Variants in TTC5 observed in about 807,000 individuals in gnomAD.
TTC5 encodes the protein tetratricopeptide repeat domain 5, also known as tetratricopeptide repeat protein 5.
In TTC5, 46 loss-of-function variants were observed where a neutral mutation model predicts 57.4. That is an observed-to-expected ratio of 0.80 (90% CI 0.63 to 1.03). TTC5 has a LOEUF of 1.03. Among genes scored for constraint, TTC5 ranks in the 50% least tolerant of loss-of-function variants. The probability of loss-of-function intolerance (pLI) is 0.00; values close to 1 mark genes in which losing one functional copy is unlikely to be tolerated. For missense variants in TTC5, 504 were observed against 528.1 expected, an observed-to-expected ratio of 0.95 and a Z score of 0.45; for synonymous variants, 190 against 203.5, an observed-to-expected ratio of 0.93 and a Z score of 0.57.
intron 8 of TTC5, chr14:20,292,600 C>T (rs533813780): frequency 1.2e-4 from 19 of 152,476 alleles, no homozygotes; most frequent in African/African-American, 4.1e-4. Flanking sequence ...TACATATGTG[C>T]CAAGCATTGT....
Position 20,298,852 on chromosome 14 carries a change from G to C in TTC5, c.584C>G (p.Ser195Cys). Residue 195 changes from serine to cysteine, a missense_variant, in exon 5 of 10, where the codon TCT becomes TGT. Physicochemically the swap from Ser to Cys is moderately radical, Grantham distance 112. Coordinates refer to ENST00000258821, the MANE Select transcript of TTC5 (RefSeq NM_138376.3). Reference protein sequence around the residue: ...LGNSYLSLYFSTGQNPKISQQ... With the variant: ...LGNSYLSLYFCTGQNPKISQQ... ...GGAGATCTTAGGGTTCTGGCCAGTA[G>C]AGAAGTAAAGGGAAAGATATGAATT... 2.5e-6 allele frequency: 4 copies of C among 1,613,934 alleles called. No homozygotes were observed. The highest frequency in any genetic ancestry group is 2.5e-6 in the Non-Finnish European group (3 of 1,179,818).
intron 2 of TTC5, 42 bp from the exon 3 acceptor site, chr14:20,300,860 T>C (rs763970876): frequency 6.7e-7 from 1 of 1,501,236 alleles, no homozygotes; most frequent in South Asian, 1.2e-5. Flanking sequence ...AAAAACAAGT[T>C]AAAGACCAGG....
At chr14:20,290,208 TA>T (rs1385661384) in intron 9 of TTC5, among the ~76,000 whole-genome samples, 1 of 152,218 alleles carries the variant, frequency 6.6e-6, no homozygotes, top group Non-Finnish European at 1.5e-5. Context: ...TTCTCTTTTA[TA>T]TCAAGAGGAG....
At chr14:20,297,181 C>T (rs902118268) in intron 5 of TTC5, among the ~76,000 whole-genome samples, 2 of 152,262 alleles carry the variant, frequency 1.3e-5, no homozygotes, top group Middle Eastern at 6.8e-3. Context: ...CATGTTTCTA[C>T]ATCCAAGTTC....
At chr14:20,293,563 T>A (rs1012248255) in intron 8 of TTC5, 5 of 152,310 alleles carry the variant, frequency 3.3e-5, no homozygotes, top group Admixed American at 3.3e-4. Context: ...CAGTAAGGGA[T>A]CTTAAATAAG....
chr14:20,304,886 T>C (rs1882259265), intron 1 of TTC5, among the ~76,000 whole-genome samples: 1 of 152,198 alleles, frequency 6.6e-6, no homozygotes, highest in South Asian at 2.1e-4. Context: ...TACATGTAAG[T>C]TGTTAAAATT....
chr14:20,303,728 C>T (rs937366282), intron 1 of TTC5, among the ~76,000 whole-genome samples: 1 of 152,168 alleles, frequency 6.6e-6, no homozygotes, highest in Non-Finnish European at 1.5e-5. Context: ...GAATAAAATC[C>T]AAGTCCTTAT....
chr14:20,289,610 A>C lies in TTC5; in HGVS notation c.*17T>G, dbSNP rs977049970. 1 of 1,607,148 alleles carries C rather than the reference A, an allele frequency of 6.2e-7. No homozygotes were observed. The highest frequency in any genetic ancestry group is 1.1e-5 in the South Asian group (1 of 90,088). Reference sequence around the variant, plus strand: ...GTCTCCTCTCCTCCACTCCCTGTTGAGCATGCAAGTCAAAGGTCATTCACA... The same window carrying C: ...GTCTCCTCTCCTCCACTCCCTGTTGCGCATGCAAGTCAAAGGTCATTCACA... On this transcript the variant is annotated 3_prime_UTR_variant, in exon 10 of 10. Coordinates refer to ENST00000258821, the MANE Select transcript of TTC5 (RefSeq NM_138376.3).
rs769374125 is a variant in TTC5, at chr14:20,289,725, G to A, written c.1225C>T (p.Arg409Ter). 4.3e-5 allele frequency: 69 copies of A among 1,613,286 alleles called. No individual in the cohort carries two copies. Among genetic ancestry groups the A allele is most frequent in the Non-Finnish European group, 5.5e-5 (65 of 1,179,656 alleles). The change falls in exon 10 of 10, where the codon CGA becomes TGA. Residue 409 changes from arginine to a stop codon, truncating the protein, a stop_gained. Coordinates refer to ENST00000258821, the MANE Select transcript of TTC5 (RefSeq NM_138376.3). LOFTEE classifies it high-confidence loss of function. ...KGKDYSFSSV[R>*]VETPLLLVVN... is the part of the protein sequence containing the mutation. ...ACTAGCAGGAGGGGCGTCTCCACTC[G>A]AACACTGGAAAAGGAATAGTCCTAG...
rs1218101515 is a variant in TTC5 at position 20,295,862 on chromosome 14, A to G, written c.697-8T>C. On this transcript the variant is annotated splice_region_variant and splice_polypyrimidine_tract_variant and intron_variant, in intron 6 of 9. Coordinates refer to ENST00000258821, the MANE Select transcript of TTC5 (RefSeq NM_138376.3). ...CTCTTCATATTTATGCAACTGTACA[A>G]GAAGTGTATCCCAATTATAAGTATA... 6.4e-7 allele frequency: 1 copy of G among 1,571,084 alleles called. No individual in the cohort carries two copies. The highest frequency in any genetic ancestry group is 8.6e-7 in the Non-Finnish European group (1 of 1,164,236).
At chr14:20,303,453 AATAG>A (rs528098683) in intron 1 of TTC5, among the ~76,000 whole-genome samples, 190 of 152,354 alleles carry the variant, frequency 1.2e-3, no homozygotes, top group Middle Eastern at 3.4e-3. Flanking sequence ...CCTGAAACTA[AATAG>A]ATAGCAGCAG....
rs1242857384 is a variant in TTC5 at position 20,288,069 on chromosome 14, A to G, written c.*1558T>C. ...CTTATCTACTAAGATTCTTAGTAAT[A>G]TTCATATATGATGTTGAAGCTATAC... On this transcript the variant is annotated 3_prime_UTR_variant, in exon 10 of 10. Coordinates refer to ENST00000258821, the MANE Select transcript of TTC5 (RefSeq NM_138376.3). 1 of 152,204 alleles carries G rather than the reference A, an allele frequency of 6.6e-6. No individual in the cohort carries two copies. Among genetic ancestry groups the G allele is most frequent in the Non-Finnish European group, 1.5e-5 (1 of 68,036 alleles). 9.4% of individuals were successfully genotyped at this position (152,204 alleles called of 1,614,324 possible). A position where few individuals can be genotyped will look rare whatever the true frequency, so the allele number is the denominator to read the frequency against.
chr14:20,291,379 AC>A (rs1266020562), intron 9 of TTC5, among the ~76,000 whole-genome samples: 1 of 152,192 alleles, frequency 6.6e-6, no homozygotes, highest in African/African-American at 2.4e-5. Flanking sequence ...ATTAATAAAC[AC>A]AAGCAGTGAG....
In TTC5 at chr14:20,299,328, G is replaced by C; in HGVS notation, c.517C>G (p.Gln173Glu). Reference protein sequence around the residue: ...DSVRQAKLAVQMDVHDGRSWY... With the variant: ...DSVRQAKLAVEMDVHDGRSWY... ...GAGCGGCCATCATGGACATCCATCT[G>C]AACAGCCAACTTAGCCTGTCGGACA... Residue 173 changes from glutamine (Q) to glutamate (E), a missense_variant, in exon 4 of 10, where the codon CAG becomes GAG. Transcript: ENST00000258821. 6.2e-7 allele frequency: 1 copy of C among 1,614,064 alleles called. No homozygotes were observed. Among genetic ancestry groups the C allele is most frequent in the East Asian group, 2.2e-5 (1 of 44,872 alleles).
At chr14:20,299,193 C>A in intron 4 of TTC5, 105 bp downstream of exon 4, 2 of 1,307,652 alleles carry the variant, frequency 1.5e-6, no homozygotes, top group Non-Finnish European at 2.1e-6. Flanking sequence ...GATGCCCTCT[C>A]TGGCTTAAAC....
chr14:20,302,941 G>A (rs1882221162), intron 1 of TTC5, among the ~76,000 whole-genome samples: 1 of 151,472 alleles, frequency 6.6e-6, no homozygotes, highest in Non-Finnish European at 1.5e-5. Flanking sequence ...GCTCATGCCT[G>A]TAATCCTAGC....
At chr14:20,295,956 C>T in intron 6 of TTC5, 102 bp from the exon 7 acceptor site, 1 of 1,225,566 alleles carries the variant, frequency 8.2e-7, no homozygotes, top group Admixed American at 2.8e-5. Context: ...TGTTTTCCTT[C>T]CTGGTTATTT....
intron 8 of TTC5, chr14:20,292,883 C>T (rs1026222657): frequency 9.2e-5 from 14 of 152,230 alleles, no homozygotes; most frequent in African/African-American, 3.4e-4. Flanking sequence ...AAAAATTAAT[C>T]CTCGGTAAAA....
chr14:20,299,586 C>T, intron 3 of TTC5, 138 bp from the exon 4 acceptor site: 1 of 929,906 alleles, frequency 1.1e-6, no homozygotes, highest in Non-Finnish European at 1.7e-6. Flanking sequence ...TGGAGTCTTG[C>T]TCTGTCACCC....
Sources: allele counts gnomAD v4.1 joint callset (sites outside exome capture counted in the v4.1 genomes callset), GRCh38; gene constraint gnomAD v4.1.1; transcripts MANE v1.5; gene names NCBI Gene and HGNC (gene_info 2026-07-23, HGNC 2026-07-21).